TANC2: variants seen among roughly 807,000 people sequenced by gnomAD.
TANC2 encodes the protein tetratricopeptide repeat, ankyrin repeat and coiled-coil containing 2.
Under a neutral mutation model 210.5 loss-of-function variants are expected in TANC2, and 26 were observed. The observed-to-expected ratio is 0.12, with a 90% confidence interval of 0.09 to 0.17. The LOEUF (loss-of-function observed/expected upper bound fraction) is 0.17. Ranked by LOEUF, TANC2 falls within the 10% of genes least tolerant of loss-of-function variation. The pLI is 1.00. For missense variants in TANC2, 2,129 were observed against 2,608.9 expected (o/e 0.82, Z 4.01); for synonymous variants, 931 against 967.1 (o/e 0.96, Z 0.69).
chr17:63,215,346 T>G (rs1439696635), intron 7 of TANC2, among the ~76,000 whole-genome samples: 6 of 152,136 alleles, frequency 3.9e-5, no homozygotes, highest in Non-Finnish European at 7.3e-5. Context: ...AAAAAATATG[T>G]CTATTTGGTC....
chr17:62,991,299 C>T (rs1346869746), intron 1 of TANC2, among the ~76,000 whole-genome samples: 3 of 151,972 alleles, frequency 2.0e-5, no homozygotes, highest in East Asian at 3.9e-4. Context: ...TGACCCTCTG[C>T]GTGTGTGGGT....
At chr17:63,023,283 C>T (rs945615178) in intron 2 of TANC2, among the ~76,000 whole-genome samples, 2 of 152,340 alleles carry the variant, frequency 1.3e-5, no homozygotes, top group East Asian at 3.9e-4. Flanking sequence ...CTTGGGAGCT[C>T]ACCCCTGCCC....
At position 63,340,001 on chromosome 17, in the gene TANC2, A is replaced by T. The variant is rs561802417; in HGVS notation, c.1576-100A>T. ...CAAAAAAGTATTATGTAATACTGAGATACTAAGTGATTTCTAGTATAATCA... is the reference window on the plus strand; with the variant it reads ...CAAAAAAGTATTATGTAATACTGAGTTACTAAGTGATTTCTAGTATAATCA... On this transcript the variant is annotated intron_variant, in intron 11 of 27. Transcript: ENST00000689528. 8.4e-6 allele frequency: 7 copies of T among 836,346 alleles called. No individual in the cohort carries two copies. The Admixed American group carries it at 1.5e-4, about 18-fold the overall frequency. 51.8% of individuals were successfully genotyped at this position (836,346 alleles called of 1,614,324 possible). A position where few individuals can be genotyped will look rare whatever the true frequency, so the allele number is the denominator to read the frequency against.
At chr17:63,425,109 T>A (rs1473064759) in exon 28 of TANC2, 2 of 87,464 alleles carry the variant, frequency 2.3e-5, no homozygotes, top group Non-Finnish European at 5.2e-5. Flanking sequence ...TTGTATCTGC[T>A]GTTGTATCTT....
Position 63,339,522 on chromosome 17 carries a change from T to G in TANC2, c.1576-579T>G, listed in dbSNP as rs182216919. On this transcript the variant is annotated intron_variant, in intron 11 of 27. Coordinates refer to ENST00000689528, the Ensembl canonical transcript of TANC2. ...AATCTCACTCCTTTCCTTCTTCCTT[T>G]TATCTAATTCTGATACTCTTTTTCT... 2.0e-3 allele frequency among the ~76,000 whole-genome samples: 307 copies of G among 152,340 alleles called. 4 individuals are homozygous for G. Among genetic ancestry groups the G allele is most frequent in the Admixed American group, 3.2e-3 (49 of 15,302 alleles).
intron 3 of TANC2, among the ~76,000 whole-genome samples, chr17:63,094,653 TTAATATC>T (rs1375426881): frequency 6.6e-6 from 1 of 152,166 alleles, no homozygotes; most frequent in Non-Finnish European, 1.5e-5. Flanking sequence ...AACTTGAACT[TTAATATC>T]TAATAATCAT....
At chr17:63,312,633 G>C (rs923524581) in intron 9 of TANC2, among the ~76,000 whole-genome samples, 2 of 152,172 alleles carry the variant, frequency 1.3e-5, no homozygotes, top group African/African-American at 4.8e-5. Flanking sequence ...CTTAGTACCT[G>C]AGGGACAGAA....
intron 4 of TANC2, chr17:63,150,252 A>G (rs959792399): frequency 6.6e-6 from 1 of 152,156 alleles, no homozygotes; most frequent in African/African-American, 2.4e-5. Flanking sequence ...TATAATACAA[A>G]CAAATCAATT....
intron 7 of TANC2, among the ~76,000 whole-genome samples, chr17:63,224,001 C>T (rs1213007635): frequency 6.6e-6 from 1 of 152,156 alleles, no homozygotes; most frequent in Non-Finnish European, 1.5e-5. Flanking sequence ...TTGCAAAGCC[C>T]TTGCCCAAAG....
chr17:63,405,323 A>G, intron 20 of TANC2, 68 bp downstream of exon 20: 1 of 1,438,068 alleles, frequency 7.0e-7, no homozygotes, highest in Non-Finnish European at 9.3e-7. Context: ...TCTGATGCAC[A>G]GAGCAAAATG....
At chr17:63,319,806 CA>C (rs2045437942) in intron 11 of TANC2, among the ~76,000 whole-genome samples, 1 of 152,110 alleles carries the variant, frequency 6.6e-6, no homozygotes, top group South Asian at 2.1e-4. Context: ...ATAACATAAA[CA>C]CATAGAAAAT....
chr17:63,096,980 G>A (rs1486504013), intron 3 of TANC2, among the ~76,000 whole-genome samples: 1 of 150,368 alleles, frequency 6.7e-6, no homozygotes, highest in Non-Finnish European at 1.5e-5. Context: ...TACATTACAT[G>A]TTCTTGTTGG....
chr17:63,251,352 A>G (rs1655436635), intron 8 of TANC2, among the ~76,000 whole-genome samples: 1 of 152,184 alleles, frequency 6.6e-6, no homozygotes, highest in Non-Finnish European at 1.5e-5. Flanking sequence ...CCTTTTTATC[A>G]GAAAATGATA....
At chr17:62,991,095 AT>A (rs769802723) in intron 1 of TANC2, among the ~76,000 whole-genome samples, 8 of 152,030 alleles carry the variant, frequency 5.3e-5, no homozygotes, top group Non-Finnish European at 1.0e-4. Flanking sequence ...TTGAATTTTG[AT>A]TTGTATTTTA....
intron 1 of TANC2, among the ~76,000 whole-genome samples, chr17:62,986,653 C>T (rs1284936678): frequency 6.6e-6 from 1 of 151,832 alleles, no homozygotes; most frequent in Non-Finnish European, 1.5e-5. Flanking sequence ...ATGGCTAGCC[C>T]AGAAGGGGAG....
intron 8 of TANC2, among the ~76,000 whole-genome samples, chr17:63,251,788 A>G (rs546837505): frequency 9.2e-5 from 14 of 152,150 alleles, no homozygotes; most frequent in Admixed American, 3.3e-4. Context: ...GGAATGAACT[A>G]TTCACTCAGT....
At position 63,420,829 on chromosome 17, in the gene TANC2, A is replaced by C. The variant is rs781506204; in HGVS notation, c.5099A>C (p.Asn1700Thr). The C allele has an allele frequency of 3.7e-6, 6 of 1,613,844 alleles. No homozygotes were observed. The African/African-American group carries it at 8.0e-5, about 22-fold the overall frequency. Residue 1700 changes from asparagine (N) to threonine (T), a missense_variant, in exon 28 of 28, where the codon AAC becomes ACC. By Grantham distance (65) the Asn-to-Thr change is moderately conservative (BLOSUM62 0). Coordinates refer to ENST00000689528, the Ensembl canonical transcript of TANC2. The surrounding 1 kb of genome is among the most constrained non-coding windows in gnomAD (Gnocchi z 4.2). ...GCCAAGGCCCAGATTGTGAGAAGTAACCAGCCCAGCCCAGCCGTCCATTCA... is the reference window on the plus strand; with the variant it reads ...GCCAAGGCCCAGATTGTGAGAAGTACCCAGCCCAGCCCAGCCGTCCATTCA...
chr17:63,185,001 G>T (rs2040928670), intron 5 of TANC2, among the ~76,000 whole-genome samples: 1 of 150,374 alleles, frequency 6.7e-6, no homozygotes, highest in African/African-American at 2.5e-5. Flanking sequence ...GGGGGGGTTG[G>T]GGACAGAGTG....
At chr17:63,137,892 C>A (rs1272615892) in intron 4 of TANC2, among the ~76,000 whole-genome samples, 3 of 152,164 alleles carry the variant, frequency 2.0e-5, no homozygotes, top group Non-Finnish European at 4.4e-5. Flanking sequence ...ACTTTATTAG[C>A]TCTGCATCTC....
Sources: allele counts gnomAD v4.1 joint callset (sites outside exome capture counted in the v4.1 genomes callset), GRCh38; gene constraint gnomAD v4.1.1; non-coding constraint Gnocchi (gnomAD v3.1); transcripts MANE v1.5; gene names NCBI Gene and HGNC (gene_info 2026-07-23, HGNC 2026-07-21).